The following ZNF385D variants were observed in gnomAD, a reference collection of about 807,000 sequenced individuals.
ZNF385D encodes the protein zinc finger protein 385D.
In ZNF385D, 15 loss-of-function variants were observed where a neutral mutation model predicts 35.8. The observed-to-expected ratio is 0.42, with a 90% CI of 0.28 to 0.64. The LOEUF (loss-of-function observed/expected upper bound fraction) is 0.64. Ranked by LOEUF, ZNF385D falls within the 30% of genes least tolerant of loss-of-function variation. ZNF385D has a pLI of 0.23. For synonymous variants in ZNF385D, 212 were observed against 186.8 expected (o/e 1.13, Z -1.10); for missense variants, 474 against 494.6 (o/e 0.96, Z 0.39).
At chr3:21,739,917 T>G (rs531025998) in intron 1 of ZNF385D, among the ~76,000 whole-genome samples, 1 of 152,170 alleles carries the variant, frequency 6.6e-6, no homozygotes, top group South Asian at 2.1e-4. Flanking sequence ...CTCTATAGAG[T>G]ATCATTTATT....
chr3:21,689,257 G>C (rs1207194541), intron 1 of ZNF385D, among the ~76,000 whole-genome samples: 1 of 151,748 alleles, frequency 6.6e-6, no homozygotes, highest in African/African-American at 2.4e-5. Flanking sequence ...CAGAGAGAAA[G>C]AATTTTGCTG....
intron 3 of ZNF385D, among the ~76,000 whole-genome samples, chr3:21,769,856 C>T (rs892588007): frequency 3.3e-5 from 5 of 150,650 alleles, no homozygotes; most frequent in African/African-American, 9.8e-5. Context: ...GCTATAGTAA[C>T]CAAAACAGCA....
At chr3:22,323,480 A>G (rs991493227) in intron 2 of ZNF385D, among the ~76,000 whole-genome samples, 38 of 152,174 alleles carry the variant, frequency 2.5e-4, no homozygotes, top group African/African-American at 7.7e-4. Flanking sequence ...TGCTAACACT[A>G]CTAGCTGAAT....
At chr3:22,039,255 C>CAAAAAAAA (rs376799573) in intron 3 of ZNF385D, among the ~76,000 whole-genome samples, 3 of 104,106 alleles carry the variant, frequency 2.9e-5, no homozygotes, top group Non-Finnish European at 3.8e-5. Context: ...TAATCCAAGC[C>CAAAAAAAA]AAAAAAAAAA....
At chr3:21,426,789 G>T (rs1701046352) in intron 5 of ZNF385D, among the ~76,000 whole-genome samples, 1 of 151,964 alleles carries the variant, frequency 6.6e-6, no homozygotes, top group African/African-American at 2.4e-5. Context: ...GGGCACTCGA[G>T]GTCACTGCAG....
intron 2 of ZNF385D, among the ~76,000 whole-genome samples, chr3:22,325,543 C>A (rs1188570957): frequency 6.6e-6 from 1 of 152,128 alleles, no homozygotes; most frequent in Admixed American, 6.5e-5. Flanking sequence ...GTGGGCTGAT[C>A]ATTTGAGGCC....
chr3:22,067,460 A>T (rs1260213735), intron 3 of ZNF385D, among the ~76,000 whole-genome samples: 1 of 152,216 alleles, frequency 6.6e-6, no homozygotes, highest in Non-Finnish European at 1.5e-5. Flanking sequence ...ATAGATTTGT[A>T]TAATATAGTT....
chr3:21,983,843 T>TA (rs1388484245), intron 3 of ZNF385D, among the ~76,000 whole-genome samples: 1 of 102,416 alleles, frequency 9.8e-6, no homozygotes, highest in Admixed American at 1.1e-4. Flanking sequence ...CCTGACTTTT[T>TA]AATGATTGCC....
intron 3 of ZNF385D, among the ~76,000 whole-genome samples, chr3:22,078,986 T>C (rs769261041): frequency 6.6e-6 from 1 of 152,048 alleles, no homozygotes; most frequent in Non-Finnish European, 1.5e-5. Context: ...TATGCTTACC[T>C]TAATTTTGGA....
intron 3 of ZNF385D, among the ~76,000 whole-genome samples, chr3:22,015,631 ACAT>A (rs1312349162): frequency 6.6e-6 from 1 of 152,116 alleles, no homozygotes; most frequent in Non-Finnish European, 1.5e-5. Context: ...GTGAACACAA[ACAT>A]CATCATTTCT....
rs571509007 is a variant in ZNF385D, at chr3:21,675,145, A to T, written c.23-10117T>A. 3.9e-5 allele frequency among the ~76,000 whole-genome samples: 6 copies of T among 152,210 alleles called. No individual in the cohort carries two copies. In the South Asian group the frequency reaches 1.2e-3, roughly 32 times the overall value. On this transcript the variant is annotated intron_variant, in intron 1 of 7. Coordinates refer to ENST00000281523, the MANE Select transcript of ZNF385D (RefSeq NM_024697.3). The stretch of plus-strand genomic sequence containing the variant: ...TTGGAGTGTACTGCTAAAAGGTGAG[A>T]AACATTTTATCAAAGATTTTTAGTG...
chr3:21,900,964 A>C (rs1391278491), intron 3 of ZNF385D, among the ~76,000 whole-genome samples: 8 of 152,142 alleles, frequency 5.3e-5, no homozygotes, highest in Non-Finnish European at 1.2e-4. Flanking sequence ...AGAGAGGTAA[A>C]GCCACCAGCC....
intron 2 of ZNF385D, among the ~76,000 whole-genome samples, chr3:21,623,661 T>G (rs557112449): frequency 6.6e-6 from 1 of 151,974 alleles, no homozygotes; most frequent in Admixed American, 6.6e-5. Flanking sequence ...CCCTGTGTCT[T>G]AAAACAAAAA....
intron 3 of ZNF385D, among the ~76,000 whole-genome samples, chr3:21,770,267 A>G (rs1432105538): frequency 6.6e-6 from 1 of 152,206 alleles, no homozygotes; most frequent in Non-Finnish European, 1.5e-5. Context: ...GAGCTTCTGC[A>G]CAGCAAAAGA....
chr3:21,550,155 G>A (rs1253072435), intron 3 of ZNF385D, among the ~76,000 whole-genome samples: 1 of 152,052 alleles, frequency 6.6e-6, no homozygotes, highest in Non-Finnish European at 1.5e-5. Flanking sequence ...AAGAAAATTT[G>A]GAAAGTAAAG....
intron 3 of ZNF385D, among the ~76,000 whole-genome samples, chr3:22,026,443 G>A (rs752646357): frequency 6.6e-6 from 1 of 152,142 alleles, no homozygotes; most frequent in Non-Finnish European, 1.5e-5. Context: ...AGGGACTACT[G>A]GACGCTGGCT....
At chr3:21,735,087 G>A (rs905038446) in intron 1 of ZNF385D, among the ~76,000 whole-genome samples, 1 of 150,682 alleles carries the variant, frequency 6.6e-6, no homozygotes, top group African/African-American at 2.5e-5. Flanking sequence ...TCTGCCGAGT[G>A]CAGAGATCTA....
At chr3:21,605,140 G>A (rs1331154421) in intron 2 of ZNF385D, among the ~76,000 whole-genome samples, 1 of 152,158 alleles carries the variant, frequency 6.6e-6, no homozygotes, top group Non-Finnish European at 1.5e-5. Context: ...GGAGTATAAA[G>A]GCTGCAAGAG....
At position 21,860,852 on chromosome 3, in the gene ZNF385D, C is replaced by G. The variant is rs114499646; in HGVS notation, c.326-195824G>C. The stretch of plus-strand genomic sequence containing the variant: ...CCACCAGAGTCTCTACTTGGAGATT[C>G]CTGTCAAACCAAATGAAAAGGGGCA... On this transcript the variant is annotated intron_variant, in intron 3 of 5. Transcript: ENST00000494108. 3.3e-3 allele frequency among the ~76,000 whole-genome samples: 502 copies of G among 152,164 alleles called. 1 individual carries two copies. The highest frequency in any genetic ancestry group is 0.012 in the African/African-American group (484 of 41,538).
Sources: allele counts gnomAD v4.1 joint callset (sites outside exome capture counted in the v4.1 genomes callset), GRCh38; gene constraint gnomAD v4.1.1; transcripts MANE v1.5; gene names NCBI Gene and HGNC (gene_info 2026-07-23, HGNC 2026-07-21).